ANKMY2: variants seen among roughly 807,000 people sequenced by gnomAD.
The protein encoded by ANKMY2 is ankyrin repeat and MYND domain containing 2, also known as ankyrin repeat and MYND domain-containing protein 2.
In ANKMY2, 36 loss-of-function variants were observed where a neutral mutation model predicts 50.4. The observed-to-expected ratio is 0.71, with a 90% confidence interval of 0.55 to 0.94. The LOEUF is 0.94. Among genes scored for constraint, ANKMY2 ranks in the 40% least tolerant of loss-of-function variants. The pLI is 0.00. For missense variants in ANKMY2, 565 were observed against 524.0 expected, an observed-to-expected ratio of 1.08 and a Z score of -0.76; for synonymous variants, 187 against 178.8, an observed-to-expected ratio of 1.05 and a Z score of -0.36.
At chr7:16,631,542 A>G (rs1353361328) in intron 2 of ANKMY2, among the ~76,000 whole-genome samples, 1 of 152,140 alleles carries the variant, frequency 6.6e-6, no homozygotes, top group Non-Finnish European at 1.5e-5. Flanking sequence ...TGAAGGTGGT[A>G]GGAGATTTAA....
chr7:16,644,087 TG>T (rs1454828091), intron 1 of ANKMY2, among the ~76,000 whole-genome samples: 2 of 152,184 alleles, frequency 1.3e-5, no homozygotes, highest in Non-Finnish European at 2.9e-5. Flanking sequence ...TTTTTGTCCC[TG>T]GTGGATTGTG....
rs1781491268 is a variant in ANKMY2 at position 16,625,077 on chromosome 7, A to G, written c.276T>C (p.Asn92=). Reference sequence around the variant, plus strand: ...CTAACATTACCCATGTGATGTCTTTATTACCTAGAGTTTTAAAGGGAACAC... The same window carrying G: ...CTAACATTACCCATGTGATGTCTTTGTTACCTAGAGTTTTAAAGGGAACAC... ...TALMFAALSG[N]KDITWVMLEA... Residue 92 remains asparagine (N), a synonymous_variant, in exon 4 of 10, where the codon AAT becomes AAC. Transcript: ENST00000306999. 4 of 1,612,866 alleles carry G rather than the reference A, an allele frequency of 2.5e-6. No homozygotes were observed. In the East Asian group the frequency reaches 8.9e-5, roughly 36 times the overall value.
chr7:16,600,081 T>G lies in ANKMY2; in HGVS notation c.*680A>C, dbSNP rs1783482789. The stretch of plus-strand genomic sequence containing the variant: ...AAGTTTCAGGAAGTACCTTTTTTAA[T>G]GCATACGCTGAGAGAACCGTCAATA... On this transcript the variant is annotated 3_prime_UTR_variant, in exon 10 of 10. Transcript: ENST00000306999. 6.6e-6 allele frequency: 1 copy of G among 152,204 alleles called. No individual in the cohort carries two copies. The highest frequency in any genetic ancestry group is 6.5e-5 in the Admixed American group (1 of 15,278). 9.4% of individuals were successfully genotyped at this position (152,204 alleles called of 1,614,324 possible). A position where few individuals can be genotyped will look rare whatever the true frequency, so the allele number is the denominator to read the frequency against.
Position 16,599,994 on chromosome 7 carries a change from T to C in ANKMY2, c.*767A>G, listed in dbSNP as rs1783479116. The stretch of plus-strand genomic sequence containing the variant: ...ATAACTCAGGCTTTCAGGTGGAGTA[T>C]GGCACGTGAATTAGCCTTACAGTAA... On this transcript the variant is annotated 3_prime_UTR_variant, in exon 10 of 10. Transcript: ENST00000306999. 1 of 152,244 alleles carries C rather than the reference T, an allele frequency of 6.6e-6. No homozygotes were observed. Among genetic ancestry groups the C allele is most frequent in the African/African-American group, 2.4e-5 (1 of 41,466 alleles). 9.4% of individuals were successfully genotyped at this position (152,244 alleles called of 1,614,324 possible). A position where few individuals can be genotyped will look rare whatever the true frequency, so the allele number is the denominator to read the frequency against.
intron 5 of ANKMY2, among the ~76,000 whole-genome samples, chr7:16,614,411 A>C (rs1008291962): frequency 6.6e-6 from 1 of 152,194 alleles, no homozygotes; most frequent in African/African-American, 2.4e-5. Flanking sequence ...GAGTTTTCTA[A>C]AATAAAAATA....
intron 2 of ANKMY2, among the ~76,000 whole-genome samples, chr7:16,627,957 C>G (rs62440987): frequency 0.26 from 38,134 of 145,846 alleles, 3,516 homozygotes; most frequent in Non-Finnish European, 0.34. Context: ...TTTGATCATA[C>G]ATATGATTTG....
chr7:16,642,883 T>C (rs538157731), intron 1 of ANKMY2, among the ~76,000 whole-genome samples: 6 of 152,310 alleles, frequency 3.9e-5, no homozygotes, highest in Admixed American at 3.9e-4. Flanking sequence ...GCTATGGTAC[T>C]GTTTCATGTT....
intron 1 of ANKMY2, among the ~76,000 whole-genome samples, chr7:16,643,767 C>G (rs1016245921): frequency 3.3e-5 from 5 of 151,484 alleles, no homozygotes; most frequent in Admixed American, 3.3e-4. Flanking sequence ...GCCTGTAATC[C>G]CAGCACTTAG....
chr7:16,621,972 A>AAAATAAAT (rs545011448), intron 4 of ANKMY2, among the ~76,000 whole-genome samples: 1 of 151,722 alleles, frequency 6.6e-6, no homozygotes, highest in Admixed American at 6.6e-5. Flanking sequence ...CCATCTCAAA[A>AAAATAAAT]AAATAAATAA....
chr7:16,602,640 T>C (rs1294483615), intron 8 of ANKMY2, 131 bp from the exon 9 acceptor site: 12 of 1,200,052 alleles, frequency 1.0e-5, no homozygotes, highest in East Asian at 4.9e-5. Context: ...TAATATGTGG[T>C]TGATATAGTT....
intron 1 of ANKMY2, among the ~76,000 whole-genome samples, chr7:16,641,727 A>G (rs1391956620): frequency 1.3e-5 from 2 of 152,224 alleles, no homozygotes; most frequent in East Asian, 3.8e-4. Flanking sequence ...GCTACATACT[A>G]TTGGTACACA....
At chr7:16,617,238 C>A (rs1377823870) in intron 4 of ANKMY2, among the ~76,000 whole-genome samples, 1 of 152,148 alleles carries the variant, frequency 6.6e-6, no homozygotes, top group East Asian at 1.9e-4. Context: ...GTATTCATAA[C>A]CCACTTGCAT....
intron 2 of ANKMY2, among the ~76,000 whole-genome samples, chr7:16,633,219 G>A (rs1327002017): frequency 6.6e-6 from 1 of 150,978 alleles, no homozygotes; most frequent in African/African-American, 2.4e-5. Context: ...TTTCTCGGTG[G>A]TACGCTTTGA....
intron 5 of ANKMY2, among the ~76,000 whole-genome samples, chr7:16,615,414 C>A (rs1256884738): frequency 6.6e-6 from 1 of 152,150 alleles, no homozygotes; most frequent in African/African-American, 2.4e-5. Context: ...CACCCAACAA[C>A]AGACTGATGA....
chr7:16,644,238 G>A (rs899451531), intron 1 of ANKMY2, among the ~76,000 whole-genome samples: 2 of 152,208 alleles, frequency 1.3e-5, no homozygotes, highest in Admixed American at 6.5e-5. Flanking sequence ...AGACTGAAAT[G>A]CCAAATAGGT....
chr7:16,602,198 C>G (rs1253637790), intron 9 of ANKMY2, among the ~76,000 whole-genome samples, 182 bp downstream of exon 9: 1 of 152,128 alleles, frequency 6.6e-6, no homozygotes, highest in Non-Finnish European at 1.5e-5. Flanking sequence ...CCAGTGATGT[C>G]CAGGCTGACT....
At position 16,636,457 on chromosome 7, in the gene ANKMY2, T is replaced by TAAA. The variant is rs34755603; in HGVS notation, c.68-5_68-3dup. 1.4e-4 allele frequency: 191 copies of TAAA among 1,396,428 alleles called. No individual in the cohort carries two copies. The highest frequency in any genetic ancestry group is 3.6e-4 in the Admixed American group (15 of 42,136). 86.5% of individuals were successfully genotyped at this position (1,396,428 alleles called of 1,614,324 possible). A position where few individuals can be genotyped will look rare whatever the true frequency, so the allele number is the denominator to read the frequency against. On this transcript the variant is annotated splice_region_variant and splice_polypyrimidine_tract_variant and intron_variant, in intron 1 of 9. Transcript: ENST00000306999. The stretch of plus-strand genomic sequence containing the variant: ...ATGTTCCAGCTTCTTGGACAGTACC[T>TAAA]AAAAAAAAAAAAAAGATGAAAAGTA...
At chr7:16,605,940 C>T (rs1180713063) in intron 7 of ANKMY2, among the ~76,000 whole-genome samples, 1 of 151,894 alleles carries the variant, frequency 6.6e-6, no homozygotes, top group African/African-American at 2.4e-5. Flanking sequence ...GCCTTGGCCT[C>T]CCAAAGTGCT....
At chr7:16,611,675 T>C (rs1362131059) in intron 5 of ANKMY2, among the ~76,000 whole-genome samples, 1 of 152,174 alleles carries the variant, frequency 6.6e-6, no homozygotes, top group Non-Finnish European at 1.5e-5. Flanking sequence ...AGCTACAAAT[T>C]AAATCCTTGA....
Sources: gnomAD v4.1 joint callset for allele counts (sites outside exome capture counted in the v4.1 genomes callset) on GRCh38, gnomAD v4.1.1 for gene constraint, MANE v1.5 for transcripts, NCBI Gene and HGNC (gene_info 2026-07-23, HGNC 2026-07-21) for gene names.